Variants in FNBP1L observed in about 807,000 individuals in gnomAD.
The protein encoded by FNBP1L is formin binding protein 1 like.
Under a neutral mutation model 91.2 loss-of-function variants are expected in FNBP1L, and 36 were observed. That is an observed-to-expected ratio of 0.39 (90% CI 0.30 to 0.52). The LOEUF (loss-of-function observed/expected upper bound fraction) is 0.52. Among genes scored for constraint, FNBP1L ranks in the 20% least tolerant of loss-of-function variants. The probability of loss-of-function intolerance (pLI) is 0.66; values close to 1 mark genes in which losing one functional copy is unlikely to be tolerated. For synonymous variants in FNBP1L, 242 were observed against 237.0 expected (o/e 1.02, Z -0.19); for missense variants, 571 against 732.1 (o/e 0.78, Z 2.54).
intron 1 of FNBP1L, among the ~76,000 whole-genome samples, chr1:93,484,076 G>C (rs1180571484): frequency 6.6e-6 from 1 of 152,162 alleles, no homozygotes; most frequent in Non-Finnish European, 1.5e-5. Flanking sequence ...CTACAGGCGT[G>C]CGCCACCATG....
intron 1 of FNBP1L, among the ~76,000 whole-genome samples, chr1:93,487,612 C>T (rs143118038): frequency 6.6e-6 from 1 of 152,286 alleles, no homozygotes; most frequent in Non-Finnish European, 1.5e-5. Context: ...GAATGAGGCT[C>T]CTTAGAAGAC....
At position 93,546,940 on chromosome 1, in the gene FNBP1L, T is replaced by C. The variant is rs1672262540; in HGVS notation, c.1373T>C (p.Ile458Thr). 3 of 1,612,668 alleles carry C rather than the reference T, an allele frequency of 1.9e-6. No individual in the cohort carries two copies. Among genetic ancestry groups the C allele is most frequent in the Non-Finnish European group, 2.5e-6 (3 of 1,179,348 alleles). ...AAATTAGCAGAGACCATGAATAACA[T>C]TGACCGCCTACGAATGGAAATCCAT... Reference protein sequence around the residue: ...QPKLAETMNNIDRLRMEIHKN... With the variant: ...QPKLAETMNNTDRLRMEIHKN... Residue 458 changes from isoleucine to threonine, a missense_variant, in exon 13 of 17, where the codon ATT becomes ACT. Coordinates refer to ENST00000271234, the MANE Select transcript of FNBP1L (RefSeq NM_001164473.3).
At chr1:93,521,253 CATTT>C (rs1285263219) in intron 2 of FNBP1L, among the ~76,000 whole-genome samples, 2 of 152,080 alleles carry the variant, frequency 1.3e-5, no homozygotes, top group Non-Finnish European at 2.9e-5. Context: ...GAATATAATT[CATTT>C]GTCTAGAAAA....
intron 1 of FNBP1L, among the ~76,000 whole-genome samples, chr1:93,471,015 A>G (rs1268479787): frequency 6.6e-6 from 1 of 152,214 alleles, no homozygotes; most frequent in Non-Finnish European, 1.5e-5. Flanking sequence ...AAGAAGAATA[A>G]TTGCAATATT....
At chr1:93,537,307 CG>C (rs1412536915) in intron 10 of FNBP1L, among the ~76,000 whole-genome samples, 1 of 152,032 alleles carries the variant, frequency 6.6e-6, no homozygotes. Flanking sequence ...CTTTCAATGT[CG>C]TAAGAAGCCT....
intron 10 of FNBP1L, among the ~76,000 whole-genome samples, chr1:93,540,630 T>C (rs1672007523): frequency 6.6e-6 from 1 of 152,112 alleles, no homozygotes; most frequent in African/African-American, 2.4e-5. Flanking sequence ...ATTCTATTTT[T>C]TAATATTTCA....
chr1:93,479,769 G>T (rs887044233), intron 1 of FNBP1L, among the ~76,000 whole-genome samples: 8 of 152,156 alleles, frequency 5.3e-5, no homozygotes, highest in African/African-American at 1.9e-4. Context: ...CCTTATGGTT[G>T]TCTTCCCTTG....
chr1:93,469,537 G>A (rs982224386), intron 1 of FNBP1L, among the ~76,000 whole-genome samples: 4 of 152,026 alleles, frequency 2.6e-5, no homozygotes, highest in South Asian at 2.1e-4. Context: ...GAATAGTGCC[G>A]CAATAAACAT....
intron 1 of FNBP1L, among the ~76,000 whole-genome samples, chr1:93,488,101 C>T (rs1238020326): frequency 2.6e-5 from 4 of 152,132 alleles, no homozygotes; most frequent in East Asian, 1.9e-4. Context: ...AACCCATGCT[C>T]AAAATATTAG....
intron 6 of FNBP1L, 27 bp downstream of exon 6, chr1:93,529,783 A>G: frequency 7.9e-7 from 1 of 1,270,656 alleles, no homozygotes; most frequent in Non-Finnish European, 1.1e-6. Flanking sequence ...ACCAACTTTA[A>G]TGTCAAAATA....
intron 10 of FNBP1L, among the ~76,000 whole-genome samples, chr1:93,539,451 T>A (rs1671953053): frequency 6.6e-6 from 1 of 151,990 alleles, no homozygotes; most frequent in Non-Finnish European, 1.5e-5. Context: ...GAGCTTTGTA[T>A]ATCCCCAAAT....
chr1:93,521,937 A>T (rs1671341033), intron 2 of FNBP1L, 145 bp from the exon 3 acceptor site: 1 of 380,088 alleles, frequency 2.6e-6, no homozygotes, highest in Non-Finnish European at 4.8e-6. Flanking sequence ...ACATATTATG[A>T]TGCTAATGGA....
Position 93,452,683 on chromosome 1 carries a change from C to G in FNBP1L, c.24+4378C>G, listed in dbSNP as rs1170140896. Among the ~76,000 whole-genome samples, 5 of 152,178 alleles carry G rather than the reference C, an allele frequency of 3.3e-5. No homozygotes were observed. In the East Asian group the frequency reaches 9.6e-4, roughly 29 times the overall value. ...CTCCACAATCGTCCTTCCTTAAGCT[C>G]TCAAGAAGCTGGGACTGTCTATAAT... On this transcript the variant is annotated intron_variant, in intron 1 of 16. Coordinates refer to ENST00000271234, the MANE Select transcript of FNBP1L (RefSeq NM_001164473.3).
intron 2 of FNBP1L, among the ~76,000 whole-genome samples, chr1:93,512,691 G>C (rs1283814217): frequency 1.3e-5 from 2 of 150,922 alleles, no homozygotes; most frequent in Non-Finnish European, 1.5e-5. Flanking sequence ...ATAACGAAAT[G>C]AAGGCAGAAA....
chr1:93,522,875 C>G (rs1671377259), intron 3 of FNBP1L, among the ~76,000 whole-genome samples: 1 of 152,164 alleles, frequency 6.6e-6, no homozygotes, highest in Admixed American at 6.5e-5. Flanking sequence ...AATGGCACTT[C>G]ACTTCCATTC....
intron 2 of FNBP1L, among the ~76,000 whole-genome samples, chr1:93,502,135 T>C (rs1252621037): frequency 6.6e-6 from 1 of 152,172 alleles, no homozygotes; most frequent in Non-Finnish European, 1.5e-5. Flanking sequence ...ATTGCTTACT[T>C]GTGTTTGTAT....
At chr1:93,463,004 A>G (rs2101689738) in intron 1 of FNBP1L, among the ~76,000 whole-genome samples, 1 of 152,272 alleles carries the variant, frequency 6.6e-6, no homozygotes. Context: ...ATTTATTTAT[A>G]TCAGTATGAA....
chr1:93,527,650 G>GC (rs1010408800), intron 5 of FNBP1L, among the ~76,000 whole-genome samples: 23 of 152,022 alleles, frequency 1.5e-4, no homozygotes, highest in African/African-American at 5.6e-4. Context: ...GAACTCCCTG[G>GC]CCATGTCACC....
chr1:93,531,372 T>C (rs1202543391), intron 7 of FNBP1L, among the ~76,000 whole-genome samples: 1 of 152,210 alleles, frequency 6.6e-6, no homozygotes, highest in Non-Finnish European at 1.5e-5. Flanking sequence ...ATCCTGTCTG[T>C]CATCACTTGA....
Sources: gnomAD v4.1 joint callset for allele counts (sites outside exome capture counted in the v4.1 genomes callset) on GRCh38, gnomAD v4.1.1 for gene constraint, MANE v1.5 for transcripts, NCBI Gene and HGNC (gene_info 2026-07-23, HGNC 2026-07-21) for gene names.